The following ZFAND4 variants were observed in gnomAD, a reference collection of about 807,000 sequenced individuals.
ZFAND4 encodes the protein zinc finger AN1-type containing 4, also known as AN1-type zinc finger protein 4.
ZFAND4 carries 43 observed loss-of-function variants against 64.4 expected under a neutral mutation model. The ratio of observed to expected loss-of-function variants is 0.67; its 90% CI spans 0.52 to 0.86. The LOEUF (loss-of-function observed/expected upper bound fraction) is 0.86, where lower values mean the gene tolerates loss of function less well. Ranked by LOEUF, ZFAND4 falls within the 40% of genes least tolerant of loss-of-function variation. ZFAND4 has a pLI of 0.00. For synonymous variants in ZFAND4, 296 were observed against 305.7 expected, an observed-to-expected ratio of 0.97 and a Z score of 0.33; for missense variants, 929 against 859.8, an observed-to-expected ratio of 1.08 and a Z score of -1.01.
chr10:45,665,329 C>G (rs1212493473), intron 1 of ZFAND4, among the ~76,000 whole-genome samples: 2 of 152,114 alleles, frequency 1.3e-5, no homozygotes, highest in African/African-American at 4.8e-5. Flanking sequence ...CACCTGAGGT[C>G]AGGAGTTCGA....
chr10:45,656,406 A>G (rs980835011), intron 2 of ZFAND4, among the ~76,000 whole-genome samples: 6 of 149,916 alleles, frequency 4.0e-5, no homozygotes, highest in Non-Finnish European at 7.4e-5. Context: ...AGCCTGGCCA[A>G]TATGGTGAAA....
At chr10:45,665,122 G>A (rs1173889703) in intron 1 of ZFAND4, among the ~76,000 whole-genome samples, 32 of 152,144 alleles carry the variant, frequency 2.1e-4, no homozygotes, top group Admixed American at 2.0e-3. Context: ...AGAACTAGGA[G>A]CACAAAAATG....
intron 6 of ZFAND4, among the ~76,000 whole-genome samples, chr10:45,630,162 C>G (rs767105092): frequency 1.3e-5 from 2 of 151,804 alleles, no homozygotes; most frequent in Non-Finnish European, 2.9e-5. Context: ...AATGAAAATC[C>G]TCCCTAAAAC....
intron 5 of ZFAND4, among the ~76,000 whole-genome samples, chr10:45,645,201 G>A (rs1057201778): frequency 5.9e-5 from 9 of 151,928 alleles, no homozygotes; most frequent in Non-Finnish European, 7.4e-5. Context: ...TCAAACTCCC[G>A]GACTCAAGAG....
intron 6 of ZFAND4, among the ~76,000 whole-genome samples, chr10:45,639,154 G>A (rs2046823918): frequency 6.6e-6 from 1 of 151,870 alleles, no homozygotes; most frequent in Non-Finnish European, 1.5e-5. Flanking sequence ...TGAAACAAAG[G>A]ACTTTTATCT....
At chr10:45,665,698 C>T (rs937268964) in intron 1 of ZFAND4, among the ~76,000 whole-genome samples, 1 of 152,158 alleles carries the variant, frequency 6.6e-6, no homozygotes, top group African/African-American at 2.4e-5. Flanking sequence ...AAAAGGAACC[C>T]CATACCCTGT....
rs1430030221 is a variant in ZFAND4, at chr10:45,616,389, CA to C, written c.*46del. The C allele has an allele frequency of 8.8e-6, 14 of 1,596,624 alleles. No homozygotes were observed. Among genetic ancestry groups the C allele is most frequent in the Middle Eastern group, 1.7e-4 (1 of 5,988 alleles). On this transcript the variant is annotated 3_prime_UTR_variant, in exon 10 of 10. Coordinates refer to ENST00000344646, the MANE Select transcript of ZFAND4 (RefSeq NM_174890.4). Reference sequence around the variant, plus strand: ...ATAGTCTAAACAACATTTCTTCTGTCATTATAATACGAATCCCGGGCAGAAC... The same window carrying C: ...ATAGTCTAAACAACATTTCTTCTGTCTTATAATACGAATCCCGGGCAGAAC...
intron 6 of ZFAND4, among the ~76,000 whole-genome samples, chr10:45,635,880 T>C (rs901235543): frequency 3.9e-5 from 6 of 152,318 alleles, no homozygotes; most frequent in South Asian, 2.1e-4. Flanking sequence ...TTATGACATA[T>C]GTATTTTACC....
chr10:45,669,488 C>G (rs940591940), intron 1 of ZFAND4, among the ~76,000 whole-genome samples: 3 of 152,132 alleles, frequency 2.0e-5, no homozygotes, highest in African/African-American at 7.2e-5. Context: ...TGAAACTATT[C>G]CAATCAATAG....
intron 6 of ZFAND4, among the ~76,000 whole-genome samples, chr10:45,632,809 A>T (rs1214789500): frequency 6.6e-6 from 1 of 152,212 alleles, no homozygotes; most frequent in Non-Finnish European, 1.5e-5. Context: ...AACGTGATTA[A>T]GTTACCTGTT....
In ZFAND4 at chr10:45,616,212, A is replaced by G. The variant is rs147909117; in HGVS notation, c.*224T>C. 8 of 534,256 alleles carry G rather than the reference A, an allele frequency of 1.5e-5. No homozygotes were observed. The East Asian group carries it at 2.8e-4, about 19-fold the overall frequency. 33.1% of individuals were successfully genotyped at this position (534,256 alleles called of 1,614,324 possible). A position where few individuals can be genotyped will look rare whatever the true frequency, so the allele number is the denominator to read the frequency against. On this transcript the variant is annotated 3_prime_UTR_variant, in exon 10 of 10. Transcript: ENST00000344646. The stretch of plus-strand genomic sequence containing the variant: ...CACAAGACATGCAATAACAAAGCTA[A>G]ATCATTCCAGTGTAAAGTTGTTAAA...
Position 45,626,785 on chromosome 10 carries a change from C to T in ZFAND4, c.1038G>A (p.Leu346=). The stretch of plus-strand genomic sequence containing the variant: ...AGTCAGCAAGCTCCTGGTCATTTCC[C>T]AACTCCAAATGGGGTATCTGAGGAG... ...KLPPQIPHLE[L]GNDQELADSV... Residue 346 remains leucine, a synonymous_variant, in exon 7 of 10, where the codon TTG becomes TTA. Transcript: ENST00000344646. 6.2e-7 allele frequency: 1 copy of T among 1,614,196 alleles called. No homozygotes were observed. Among genetic ancestry groups the T allele is most frequent in the Non-Finnish European group, 8.5e-7 (1 of 1,180,042 alleles).
chr10:45,656,576 T>TA (rs2048138333), intron 2 of ZFAND4, among the ~76,000 whole-genome samples: 1 of 144,604 alleles, frequency 6.9e-6, no homozygotes, highest in South Asian at 2.2e-4. Flanking sequence ...ATGGAAAACT[T>TA]AAAAGCACCA....
At chr10:45,632,612 TGATA>T (rs1430288161) in intron 6 of ZFAND4, among the ~76,000 whole-genome samples, 2 of 152,036 alleles carry the variant, frequency 1.3e-5, no homozygotes, top group African/African-American at 2.4e-5. Flanking sequence ...ATCAAGAACA[TGATA>T]AATAGTATTA....
At chr10:45,669,605 G>A (rs980642179) in intron 1 of ZFAND4, among the ~76,000 whole-genome samples, 2 of 152,192 alleles carry the variant, frequency 1.3e-5, no homozygotes, top group African/African-American at 4.8e-5. Flanking sequence ...CAGTATCCCT[G>A]ATGAACATCT....
Position 45,616,436 on chromosome 10 carries a change from T to G in ZFAND4, c.2184A>C (p.Ter728TyrextTer15). The G allele has an allele frequency of 6.2e-7, 1 of 1,613,866 alleles. No individual in the cohort carries two copies. The highest frequency in any genetic ancestry group is 8.5e-7 in the Non-Finnish European group (1 of 1,179,910). ...VVNAPKLPKI[*>Y] ...AGAACAGTAAGATGTAGAGGAAGAGTTAGATTTTTGGAAGCTTTGGTGCAT... is the reference window on the plus strand; with the variant it reads ...AGAACAGTAAGATGTAGAGGAAGAGGTAGATTTTTGGAAGCTTTGGTGCAT... The change falls in exon 10 of 10, where the codon TAA becomes TAC. Residue 728 changes from the stop codon to tyrosine (Y), a stop_lost. Transcript: ENST00000344646.
intron 2 of ZFAND4, among the ~76,000 whole-genome samples, chr10:45,661,445 C>T (rs2048465553): frequency 6.6e-6 from 1 of 152,108 alleles, no homozygotes; most frequent in South Asian, 2.1e-4. Flanking sequence ...CCACCAGGCT[C>T]TAGTTCTCAA....
chr10:45,627,439 T>C (rs1011125486), intron 6 of ZFAND4, among the ~76,000 whole-genome samples: 2 of 151,766 alleles, frequency 1.3e-5, no homozygotes, highest in Admixed American at 6.6e-5. Flanking sequence ...TTTCCTACTA[T>C]GTTGAATAAA....
chr10:45,648,260 GACAAC>G (rs113970763), intron 5 of ZFAND4, 29 bp downstream of exon 5: 53,436 of 1,540,160 alleles, frequency 0.035, 1,057 homozygotes, highest in East Asian at 0.081. Context: ...AGATTATTTT[GACAAC>G]ACAAGGTAAA....
Sources: allele counts gnomAD v4.1 joint callset (sites outside exome capture counted in the v4.1 genomes callset), GRCh38; gene constraint gnomAD v4.1.1; transcripts MANE v1.5; gene names NCBI Gene and HGNC (gene_info 2026-07-23, HGNC 2026-07-21).